The following SCHIP1 variants were observed in gnomAD, a reference collection of about 807,000 sequenced individuals.
SCHIP1 encodes the protein schwannomin-interacting protein 1.
A neutral mutation model predicts 29.7 loss-of-function variants in SCHIP1; 8 were observed. The ratio of observed to expected loss-of-function variants is 0.27; its 90% CI spans 0.16 to 0.49. The LOEUF is 0.49. SCHIP1 is among the 20% of genes least tolerant of loss of function. SCHIP1 has a pLI of 0.99. For missense variants in SCHIP1, 193 were observed against 294.6 expected (o/e 0.66, Z 2.52); for synonymous variants, 76 against 94.9 (o/e 0.80, Z 1.16).
At chr3:159,709,023 A>G in the SCHIP1 span, among the ~76,000 whole-genome samples, 1 of 151,932 alleles carries the variant, frequency 6.6e-6, no homozygotes, top group Non-Finnish European at 1.5e-5. Context: ...CTCAAAGGTC[A>G]GCCTTCTCAG....
the SCHIP1 span, among the ~76,000 whole-genome samples, chr3:159,351,982 T>C: frequency 6.6e-6 from 1 of 152,214 alleles, no homozygotes; most frequent in Non-Finnish European, 1.5e-5. Context: ...ATTTTTTTAA[T>C]GTACTGGTAT....
At chr3:159,651,557 C>G in the SCHIP1 span, among the ~76,000 whole-genome samples, 1 of 152,170 alleles carries the variant, frequency 6.6e-6, no homozygotes, top group Admixed American at 6.6e-5. Flanking sequence ...TTGCCTCAAT[C>G]ACATTAAAAT....
the SCHIP1 span, among the ~76,000 whole-genome samples, chr3:159,540,862 G>A: frequency 6.6e-6 from 1 of 152,048 alleles, no homozygotes; most frequent in Non-Finnish European, 1.5e-5. Flanking sequence ...ATCATTAAAT[G>A]TATACCAGAT....
chr3:159,792,045 C>T, the SCHIP1 span, among the ~76,000 whole-genome samples: 3 of 152,044 alleles, frequency 2.0e-5, no homozygotes, highest in African/African-American at 7.2e-5. Flanking sequence ...CTGTGTGTGT[C>T]TATCTTGGGC....
chr3:159,357,066 A>G, the SCHIP1 span, among the ~76,000 whole-genome samples: 5 of 152,234 alleles, frequency 3.3e-5, no homozygotes, highest in African/African-American at 1.2e-4. Context: ...TGGTTAGATC[A>G]AATTTAAGAT....
chr3:159,605,986 T>C, the SCHIP1 span, among the ~76,000 whole-genome samples: 1 of 152,146 alleles, frequency 6.6e-6, no homozygotes, highest in Non-Finnish European at 1.5e-5. Flanking sequence ...AAATCTTAAA[T>C]CTACACTACA....
the SCHIP1 span, among the ~76,000 whole-genome samples, chr3:159,795,772 G>T: frequency 6.6e-6 from 1 of 152,204 alleles, no homozygotes; most frequent in Non-Finnish European, 1.5e-5. Flanking sequence ...GGAACAACGT[G>T]TGTAAAATTA....
the SCHIP1 span, among the ~76,000 whole-genome samples, chr3:159,514,222 CT>C: frequency 3.9e-5 from 6 of 152,144 alleles, no homozygotes; most frequent in South Asian, 1.2e-3. Flanking sequence ...TCGGAAAGGC[CT>C]GTCCATTTTT....
the SCHIP1 span, among the ~76,000 whole-genome samples, chr3:159,631,989 A>T: frequency 6.6e-6 from 1 of 152,036 alleles, no homozygotes; most frequent in Admixed American, 6.6e-5. Flanking sequence ...CTATGTTTTT[A>T]AAAACTCTAA....
chr3:159,891,902 T>C (rs572055786), intron 5 of SCHIP1, among the ~76,000 whole-genome samples, 195 bp from the exon 7 acceptor site: 279 of 152,370 alleles, frequency 1.8e-3, no homozygotes, highest in Non-Finnish European at 1.8e-3. Flanking sequence ...TAGTTCGTAC[T>C]TTACTCCTTT....
chr3:159,639,262 C>G, the SCHIP1 span, among the ~76,000 whole-genome samples: 1 of 152,160 alleles, frequency 6.6e-6, no homozygotes, highest in Non-Finnish European at 1.5e-5. Flanking sequence ...TTTTTCTGTA[C>G]CATTTATTGG....
chr3:159,802,895 T>C, the SCHIP1 span, among the ~76,000 whole-genome samples: 1 of 152,192 alleles, frequency 6.6e-6, no homozygotes, highest in Admixed American at 6.5e-5. Context: ...CTTTTTTCAA[T>C]CCTGCTCATC....
the SCHIP1 span, among the ~76,000 whole-genome samples, chr3:159,664,988 T>G: frequency 9.2e-5 from 14 of 152,326 alleles, no homozygotes; most frequent in South Asian, 2.7e-3. Context: ...AATGCTTTGG[T>G]TCCAAAGGCC....
the SCHIP1 span, among the ~76,000 whole-genome samples, chr3:159,365,385 T>A: frequency 6.6e-6 from 1 of 152,292 alleles, no homozygotes; most frequent in Non-Finnish European, 1.5e-5. Flanking sequence ...CAGGGGCATA[T>A]GATGTGTATC....
At chr3:159,799,663 G>C in the SCHIP1 span, among the ~76,000 whole-genome samples, 1 of 152,166 alleles carries the variant, frequency 6.6e-6, no homozygotes, top group East Asian at 1.9e-4. Flanking sequence ...CTTAAGCTGA[G>C]ACCTGATGAG....
the SCHIP1 span, among the ~76,000 whole-genome samples, chr3:159,564,494 A>C: frequency 2.0e-5 from 3 of 152,080 alleles, no homozygotes; most frequent in Non-Finnish European, 2.9e-5. Context: ...CTCCTGCCTC[A>C]GCCTCCTGAG....
the SCHIP1 span, among the ~76,000 whole-genome samples, chr3:159,665,845 A>G: frequency 1.3e-5 from 2 of 152,116 alleles, no homozygotes; most frequent in Admixed American, 1.3e-4. Context: ...GGCATTTCCC[A>G]TTAGTCCTCA....
At chr3:159,414,522 A>G in the SCHIP1 span, among the ~76,000 whole-genome samples, 12 of 152,198 alleles carry the variant, frequency 7.9e-5, no homozygotes, top group Admixed American at 5.2e-4. Context: ...ATTTAATTAT[A>G]TATTCACAAT....
chr3:159,887,715 A>C (rs1207467092), exon 4 of SCHIP1: 1 of 1,614,000 alleles, frequency 6.2e-7, no homozygotes, highest in Admixed American at 1.7e-5. Context: ...CAGAGCAAAC[A>C]GAGTTCTTCC....
Sources: allele counts gnomAD v4.1 joint callset (sites outside exome capture counted in the v4.1 genomes callset), GRCh38; gene constraint gnomAD v4.1.1; transcripts MANE v1.5; gene names NCBI Gene and HGNC (gene_info 2026-07-23, HGNC 2026-07-21).